Variants in PXDN observed in about 807,000 individuals in gnomAD.
The protein encoded by PXDN is peroxidasin homolog.
Under a neutral mutation model 140.3 loss-of-function variants are expected in PXDN, and 77 were observed. That is an observed-to-expected ratio of 0.55 (90% CI 0.46 to 0.66). The LOEUF (loss-of-function observed/expected upper bound fraction) is 0.66. PXDN is among the 30% of genes least tolerant of loss of function. The probability of loss-of-function intolerance (pLI) is 0.00; values close to 1 mark genes in which losing one functional copy is unlikely to be tolerated. For missense variants in PXDN, 1,838 were observed against 2,039.5 expected (o/e 0.90, Z 1.90); for synonymous variants, 911 against 857.4 (o/e 1.06, Z -1.09).
chr2:1,690,648 CAAAAAA>C (rs35970382), intron 3 of PXDN, among the ~76,000 whole-genome samples: 5 of 68,638 alleles, frequency 7.3e-5, no homozygotes, highest in African/African-American at 2.3e-4. Context: ...TTCAAAATAC[CAAAAAA>C]AAAAAAAAAA....
chr2:1,707,298 G>A (rs1416102976), intron 1 of PXDN, among the ~76,000 whole-genome samples: 1 of 12,998 alleles, frequency 7.7e-5, no homozygotes, highest in Non-Finnish European at 1.6e-4. Flanking sequence ...CTGAGAGCAC[G>A]CTTCAGTGTT....
intron 9 of PXDN, 55 bp downstream of exon 9, chr2:1,673,588 T>C: frequency 6.4e-7 from 1 of 1,557,192 alleles, no homozygotes; most frequent in Non-Finnish European, 8.8e-7. Context: ...AGAAGGCAGA[T>C]AGTGAGGGAC....
chr2:1,647,680 T>C (rs757619161), intron 17 of PXDN, among the ~76,000 whole-genome samples: 1 of 152,136 alleles, frequency 6.6e-6, no homozygotes, highest in Non-Finnish European at 1.5e-5. Flanking sequence ...GTATGGAAGA[T>C]GCTACAGGCC....
Position 1,662,128 on chromosome 2 carries a change from C to T in PXDN, c.1624G>A (p.Val542Met). ...CCCTGGGAGCTGCACGGGAGCTGCA[C>T]ATTGGCGCCCACCTCCACTGTTGTG... The part of the protein sequence containing the change: ...SDTTVEVGAN[V>M]QLPCSSQGEP... Residue 542 changes from valine to methionine, a missense_variant, in exon 13 of 23, where the codon GTG becomes ATG. Physicochemically the swap from Val to Met is conservative, Grantham distance 21 (BLOSUM62 1). This residue lies in a region of PXDN where 537 missense variants were observed against 583.9 expected (regional missense o/e 0.92). Transcript: ENST00000252804. 6.3e-7 allele frequency: 1 copy of T among 1,597,798 alleles called. No homozygotes were observed. Among genetic ancestry groups the T allele is most frequent in the Non-Finnish European group, 8.5e-7 (1 of 1,172,520 alleles).
In PXDN at chr2:1,713,656, C is replaced by G. The variant is rs114949080; in HGVS notation, c.201-20522G>C. Among the ~76,000 whole-genome samples, 792 of 152,316 alleles carry G rather than the reference C, an allele frequency of 5.2e-3. 9 individuals carry two copies. Among genetic ancestry groups the G allele is most frequent in the African/African-American group, 0.018 (733 of 41,568 alleles). On this transcript the variant is annotated intron_variant, in intron 1 of 22. Transcript: ENST00000252804. ...ATGGACCCCGGGTGGGCGGGAGCCT[C>G]GGTCCCCCCGAATGCTCGTGTGCTC...
At chr2:1,707,832 TAA>T (rs2125465133) in intron 1 of PXDN, among the ~76,000 whole-genome samples, 1 of 152,024 alleles carries the variant, frequency 6.6e-6, no homozygotes, top group Non-Finnish European at 1.5e-5. Flanking sequence ...GGTGACTGTC[TAA>T]AGGGAAGAAG....
chr2:1,653,477 G>T (rs1200628296), intron 16 of PXDN, 151 bp downstream of exon 16: 1 of 1,180,286 alleles, frequency 8.5e-7, no homozygotes, highest in African/African-American at 1.5e-5. Flanking sequence ...GGGCTCAAGA[G>T]GAATCACAGT....
intron 14 of PXDN, among the ~76,000 whole-genome samples, chr2:1,656,656 G>A (rs984715989): frequency 2.0e-5 from 3 of 150,298 alleles, no homozygotes; most frequent in African/African-American, 4.9e-5. Context: ...ACTCCTGACT[G>A]AAATCTGCCC....
At chr2:1,686,311 TG>T (rs1453551577) in intron 4 of PXDN, among the ~76,000 whole-genome samples, 1 of 152,148 alleles carries the variant, frequency 6.6e-6, no homozygotes, top group Non-Finnish European at 1.5e-5. Flanking sequence ...CACCTAACCC[TG>T]GGTGCTAAAG....
intron 1 of PXDN, among the ~76,000 whole-genome samples, chr2:1,742,727 G>A (rs573996381): frequency 5.3e-5 from 8 of 152,266 alleles, no homozygotes; most frequent in African/African-American, 1.9e-4. Context: ...TGAGTGAGAT[G>A]CCCCCGAGTC....
chr2:1,702,491 A>G (rs914796774), intron 1 of PXDN, among the ~76,000 whole-genome samples: 1 of 152,206 alleles, frequency 6.6e-6, no homozygotes, highest in African/African-American at 2.4e-5. Context: ...GTGAACCCCA[A>G]ATATCTCAGA....
At chr2:1,740,348 G>T (rs944552712) in intron 1 of PXDN, among the ~76,000 whole-genome samples, 1 of 152,204 alleles carries the variant, frequency 6.6e-6, no homozygotes, top group Non-Finnish European at 1.5e-5. Flanking sequence ...GGTCAGGGAA[G>T]CTCCAAGGAT....
At chr2:1,731,144 G>GCA (rs1685303284) in intron 1 of PXDN, among the ~76,000 whole-genome samples, 2 of 47,704 alleles carry the variant, frequency 4.2e-5, no homozygotes, top group Admixed American at 5.8e-4. Context: ...ACTGTTGAGA[G>GCA]CGCGCGCGCA....
intron 8 of PXDN, chr2:1,676,304 T>C (rs1022025693): frequency 6.5e-6 from 1 of 152,876 alleles, no homozygotes; most frequent in Non-Finnish European, 1.5e-5. Context: ...CCAGGACGCA[T>C]GTAATGGTCA....
intron 1 of PXDN, among the ~76,000 whole-genome samples, chr2:1,709,104 C>T (rs1684690964): frequency 6.6e-6 from 1 of 152,194 alleles, no homozygotes; most frequent in Non-Finnish European, 1.5e-5. Flanking sequence ...GCTCTGATCC[C>T]ACCCGTGGAA....
At chr2:1,725,051 T>C (rs1685145173) in intron 1 of PXDN, among the ~76,000 whole-genome samples, 1 of 152,246 alleles carries the variant, frequency 6.6e-6, no homozygotes, top group Non-Finnish European at 1.5e-5. Flanking sequence ...CAATGTTTTA[T>C]AGTTTTTAGC....
In PXDN at chr2:1,686,623, G is replaced by A. The variant is rs542444424; in HGVS notation, c.416+1009C>T. Among the ~76,000 whole-genome samples, 16 of 152,218 alleles carry A rather than the reference G, an allele frequency of 1.1e-4. No homozygotes were observed. In the South Asian group the frequency reaches 1.2e-3, roughly 12 times the overall value. On this transcript the variant is annotated intron_variant, in intron 4 of 22. Transcript: ENST00000252804. ...CTACATCTGGGTGTTCCCTGGATACGTCCATGTGTTTCTGCAATGAGCTGC... is the reference window on the plus strand; with the variant it reads ...CTACATCTGGGTGTTCCCTGGATACATCCATGTGTTTCTGCAATGAGCTGC...
rs1018607528 is a variant in PXDN, at chr2:1,714,023, C to T, written c.201-20889G>A. Among the ~76,000 whole-genome samples, 6 of 152,220 alleles carry T rather than the reference C, an allele frequency of 3.9e-5. No homozygotes were observed. Among genetic ancestry groups the T allele is most frequent in the African/African-American group, 1.4e-4 (6 of 41,460 alleles). On this transcript the variant is annotated intron_variant, in intron 1 of 22. Transcript: ENST00000252804. The surrounding 1 kb of genome is among the most constrained non-coding windows in gnomAD (Gnocchi z 4.3). ...AGTTTCATGTCACCCTGAAACATGG[C>T]CCAGCCTGGGCAACCTACGATAATA...
Position 1,649,617 on chromosome 2 carries a change from C to T in PXDN, c.2163G>A (p.Ser721=), listed in dbSNP as rs947760105. 8.1e-6 allele frequency: 13 copies of T among 1,613,854 alleles called. No individual in the cohort carries two copies. In the African/African-American group the frequency reaches 9.3e-5, roughly 12 times the overall value. The change falls in exon 17 of 23, where the codon TCG becomes TCA. Residue 721 remains serine (S), a synonymous_variant. Coordinates refer to ENST00000252804, the MANE Select transcript of PXDN (RefSeq NM_012293.3). This position sits in a 1 kb window ranked among gnomAD's most constrained non-coding sequence, Gnocchi z 7.1. ...TCACGCGCCGGTGGGCGGTACAGCC[C>T]GACAGGTTTGCGATGAGGTTCAGGT... is the stretch of plus-strand genomic sequence containing the variant. ...PQYLNLIANL[S]GCTAHRRVNN...
Sources: allele counts gnomAD v4.1 joint callset (sites outside exome capture counted in the v4.1 genomes callset), GRCh38; gene constraint gnomAD v4.1.1; regional missense constraint gnomAD v4.1.1; non-coding constraint Gnocchi (gnomAD v3.1); transcripts MANE v1.5; gene names NCBI Gene and HGNC (gene_info 2026-07-23, HGNC 2026-07-21).